Variants in MTREX observed in about 807,000 individuals in gnomAD.
The protein encoded by MTREX is Mtr4 exosome RNA helicase, also known as exosome RNA helicase MTR4.
A neutral mutation model predicts 135.4 loss-of-function variants in MTREX; 76 were observed. The ratio of observed to expected loss-of-function variants is 0.56; its 90% confidence interval spans 0.47 to 0.68. The LOEUF is 0.68. Ranked by LOEUF, MTREX falls within the 30% of genes least tolerant of loss-of-function variation. The pLI, the probability that MTREX is intolerant of heterozygous loss-of-function variation, is 0.00. For missense variants in MTREX, 920 were observed against 1,262.1 expected (o/e 0.73, Z 4.11); for synonymous variants, 404 against 401.6 (o/e 1.01, Z -0.07).
intron 19 of MTREX, among the ~76,000 whole-genome samples, chr5:55,390,476 G>C (rs1459385772): frequency 6.6e-6 from 1 of 152,180 alleles, no homozygotes; most frequent in Admixed American, 6.5e-5. Flanking sequence ...AAAAGGCTTA[G>C]AGTGTGTGTG....
chr5:55,313,086 G>T (rs1749140745), intron 1 of MTREX, among the ~76,000 whole-genome samples: 2 of 152,036 alleles, frequency 1.3e-5, no homozygotes, highest in Middle Eastern at 3.4e-3. Context: ...ACATCACAGG[G>T]TTTTTATTTA....
At chr5:55,405,671 G>A (rs1333006205) in intron 22 of MTREX, 83 bp downstream of exon 22, 11 of 1,246,410 alleles carry the variant, frequency 8.8e-6, no homozygotes, top group South Asian at 7.7e-5. Context: ...TTGAGATGGA[G>A]TCTCACTGTT....
chr5:55,406,384 A>T (rs947891308), intron 22 of MTREX, among the ~76,000 whole-genome samples: 1 of 152,120 alleles, frequency 6.6e-6, no homozygotes, highest in Admixed American at 6.5e-5. Flanking sequence ...TGGTCTCTCC[A>T]TGTGGGCTGG....
At chr5:55,328,855 T>TTTAAAAGAAA (rs1377740363) in intron 5 of MTREX, 44 bp downstream of exon 5, 1 of 1,264,340 alleles carries the variant, frequency 7.9e-7, no homozygotes, top group South Asian at 1.3e-5. Flanking sequence ...CTTATTTCAC[T>TTTAAAAGAAA]CTTTAAAAGT....
In MTREX at chr5:55,425,399, T is replaced by TCAA. The variant is rs1751154772; in HGVS notation, c.*630_*632dup. The stretch of plus-strand genomic sequence containing the variant: ...TTAAAAACTACATACAAAGTTGTGA[T>TCAA]CAACAGCATCCTAAGATAAATATAA... On this transcript the variant is annotated 3_prime_UTR_variant, in exon 27 of 27. Coordinates refer to ENST00000230640, the MANE Select transcript of MTREX (RefSeq NM_015360.5). 4.3e-6 allele frequency: 6 copies of TCAA among 1,391,088 alleles called. No homozygotes were observed. Among genetic ancestry groups the TCAA allele is most frequent in the Admixed American group, 4.2e-5 (2 of 48,098 alleles). The allele number at this position is 1,391,088 out of a possible 1,614,324, so 86.2% of individuals were successfully genotyped here. A position where few individuals can be genotyped will look rare whatever the true frequency, so the allele number is the denominator to read the frequency against.
intron 16 of MTREX, among the ~76,000 whole-genome samples, chr5:55,369,528 A>AG (rs1402038822): frequency 6.6e-6 from 1 of 152,236 alleles, no homozygotes; most frequent in East Asian, 1.9e-4. Context: ...TGGAGGATAG[A>AG]GGGAAAACTC....
At chr5:55,388,897 T>C (rs552774097) in intron 19 of MTREX, among the ~76,000 whole-genome samples, 1 of 152,308 alleles carries the variant, frequency 6.6e-6, no homozygotes, top group South Asian at 2.1e-4. Flanking sequence ...GTCATTGTAA[T>C]GATATTTGTT....
intron 22 of MTREX, among the ~76,000 whole-genome samples, chr5:55,406,675 G>A (rs1200727826): frequency 1.3e-5 from 2 of 152,134 alleles, no homozygotes; most frequent in Non-Finnish European, 2.9e-5. Flanking sequence ...GGATTGTTCT[G>A]TGTCTACACT....
At chr5:55,350,499 T>C (rs1275643474) in intron 12 of MTREX, among the ~76,000 whole-genome samples, 1 of 152,232 alleles carries the variant, frequency 6.6e-6, no homozygotes. Flanking sequence ...GAAAGAATTC[T>C]TCAATAATTG....
In MTREX at chr5:55,414,257, T is replaced by TTTC; in HGVS notation, c.2808+21_2808+22insCTT. ...AATGCAGGTAAGGTTTTTTTTTTTT[T>TTTC]TTTTTGAACTACATATTTTATGAAT... is the stretch of plus-strand genomic sequence containing the variant. On this transcript the variant is annotated intron_variant, in intron 24 of 26. Coordinates refer to ENST00000230640, the MANE Select transcript of MTREX (RefSeq NM_015360.5). 1 of 1,549,900 alleles carries TTTC rather than the reference T, an allele frequency of 6.5e-7. No individual in the cohort carries two copies. The highest frequency in any genetic ancestry group is 8.7e-7 in the Non-Finnish European group (1 of 1,153,350).
At chr5:55,420,187 A>T (rs1751032730) in intron 25 of MTREX, among the ~76,000 whole-genome samples, 1 of 146,584 alleles carries the variant, frequency 6.8e-6, no homozygotes, top group Non-Finnish European at 1.5e-5. Context: ...TGCAAGATAC[A>T]TGTGTGATTC....
chr5:55,322,456 A>C lies in MTREX; in HGVS notation c.264A>C (p.Glu88Asp). 6.3e-7 allele frequency: 1 copy of C among 1,582,592 alleles called. No homozygotes were observed. The highest frequency in any genetic ancestry group is 2.3e-5 in the East Asian group (1 of 43,746). Reference protein sequence around the residue: ...KKPRIEESITEDLSLADLMPR... With the variant: ...KKPRIEESITDDLSLADLMPR... ...CCAGGATAGAAGAGTCAATAACTGA[A>C]GACTTAAGGTAATATTTCCAAAGTC... The change falls in exon 2 of 27, where the codon GAA becomes GAC. Residue 88 changes from glutamate to aspartate, a missense_variant. This residue lies in a region of MTREX where 136 missense variants were observed against 126.7 expected (regional missense o/e 1.07). Transcript: ENST00000230640.
At chr5:55,378,214 A>G in intron 16 of MTREX, 100 bp from the exon 17 acceptor site, 2 of 1,356,800 alleles carry the variant, frequency 1.5e-6, no homozygotes, top group Non-Finnish European at 1.9e-6. Flanking sequence ...AAAAACCGCA[A>G]CTACACTTGC....
At chr5:55,399,537 G>T (rs1750691254) in intron 20 of MTREX, among the ~76,000 whole-genome samples, 1 of 152,052 alleles carries the variant, frequency 6.6e-6, no homozygotes, top group Non-Finnish European at 1.5e-5. Context: ...GCTCAAGCCA[G>T]AGTGCAGTGG....
chr5:55,327,701 T>C lies in MTREX; in HGVS notation c.340-15T>C. 2 of 1,605,940 alleles carry C rather than the reference T, an allele frequency of 1.2e-6. No homozygotes were observed. The highest frequency in any genetic ancestry group is 1.7e-6 in the Non-Finnish European group (2 of 1,175,272). On this transcript the variant is annotated splice_polypyrimidine_tract_variant and intron_variant, in intron 3 of 26. Coordinates refer to ENST00000230640, the MANE Select transcript of MTREX (RefSeq NM_015360.5). ...AGTTGGTGAGGTTTTTTTTTCTTTTTTACTTTGTTGTCAGGTTGCACTTCC... is the reference window on the plus strand; with the variant it reads ...AGTTGGTGAGGTTTTTTTTTCTTTTCTACTTTGTTGTCAGGTTGCACTTCC...
intron 18 of MTREX, among the ~76,000 whole-genome samples, chr5:55,387,139 G>A (rs934117629): frequency 2.0e-5 from 3 of 152,090 alleles, no homozygotes; most frequent in African/African-American, 7.2e-5. Context: ...TGGAAAAATA[G>A]AGTGTATGCT....
chr5:55,408,140 T>C (rs1190371149), intron 22 of MTREX, among the ~76,000 whole-genome samples: 2 of 152,164 alleles, frequency 1.3e-5, no homozygotes, highest in African/African-American at 4.8e-5. Context: ...TAATTTAGTA[T>C]ATTGTTACTC....
intron 1 of MTREX, among the ~76,000 whole-genome samples, chr5:55,310,034 A>C (rs551510532): frequency 6.6e-6 from 1 of 152,222 alleles, no homozygotes; most frequent in Non-Finnish European, 1.5e-5. Context: ...TTGAATGGGC[A>C]ACTATGATAT....
intron 17 of MTREX, 68 bp from the exon 18 acceptor site, chr5:55,379,059 G>A (rs905073935): frequency 3.2e-5 from 34 of 1,065,986 alleles, no homozygotes; most frequent in Non-Finnish European, 4.5e-5. Flanking sequence ...GAATGTAGGT[G>A]TGAAAGGCTG....
Sources: gnomAD v4.1 joint callset for allele counts (sites outside exome capture counted in the v4.1 genomes callset) on GRCh38, gnomAD v4.1.1 for gene constraint, gnomAD v4.1.1 regional missense constraint, MANE v1.5 for transcripts, NCBI Gene and HGNC (gene_info 2026-07-23, HGNC 2026-07-21) for gene names.